The following GINS1 variants were observed in gnomAD, a reference collection of about 807,000 sequenced individuals.
GINS1 encodes the protein GINS complex subunit 1.
A neutral mutation model predicts 34.9 loss-of-function variants in GINS1; 26 were observed. That is an observed-to-expected ratio of 0.74 (90% CI 0.55 to 1.03). The LOEUF (loss-of-function observed/expected upper bound fraction) is 1.03. GINS1 is among the 50% of genes least tolerant of loss of function. The pLI, the probability that GINS1 is intolerant of heterozygous loss-of-function variation, is 0.00. For missense variants in GINS1, 235 were observed against 237.9 expected (o/e 0.99, Z 0.08); for synonymous variants, 97 against 84.4 (o/e 1.15, Z -0.82).
At chr20:25,431,679 C>T (rs1470581018) in intron 5 of GINS1, among the ~76,000 whole-genome samples, 1 of 151,104 alleles carries the variant, frequency 6.6e-6, no homozygotes, top group African/African-American at 2.4e-5. Flanking sequence ...CAAGTGATTC[C>T]CATGCCTCAG....
rs1241187859 is a variant in GINS1, at chr20:25,428,967, C to CTTTTTT, written c.447+3641_447+3642insTTTTTT. On this transcript the variant is annotated intron_variant, in intron 5 of 6. Coordinates refer to ENST00000262460, the MANE Select transcript of GINS1 (RefSeq NM_021067.5). ...TTGGGTCCTCCACCTTCATTCCTCT[C>CTTTTTT]TCTTTTTTTTTTTTTTTTTTTTTTT... is the stretch of plus-strand genomic sequence containing the variant. Among the ~76,000 whole-genome samples, 13 of 114,162 alleles carry CTTTTTT rather than the reference C, an allele frequency of 1.1e-4. 1 individual carries two copies. Among genetic ancestry groups the CTTTTTT allele is most frequent in the South Asian group, 2.8e-4 (1 of 3,540 alleles). 74.9% of individuals were successfully genotyped at this position (114,162 alleles called of 152,430 possible). A position where few individuals can be genotyped will look rare whatever the true frequency, so the allele number is the denominator to read the frequency against.
intron 2 of GINS1, among the ~76,000 whole-genome samples, chr20:25,415,770 T>C (rs565942452): frequency 5.3e-5 from 8 of 150,724 alleles, no homozygotes; most frequent in African/African-American, 9.8e-5. Context: ...ATATGCCAAA[T>C]TGGGATTCAT....
intron 2 of GINS1, among the ~76,000 whole-genome samples, chr20:25,414,993 G>A (rs1258011387): frequency 2.6e-5 from 4 of 152,166 alleles, no homozygotes; most frequent in Non-Finnish European, 5.9e-5. Context: ...GACAAACTTC[G>A]TATGTTCCTG....
chr20:25,433,390 G>A (rs547073009), intron 5 of GINS1, among the ~76,000 whole-genome samples: 3 of 152,066 alleles, frequency 2.0e-5, no homozygotes, highest in Middle Eastern at 3.4e-3. Context: ...GGATGCTCAA[G>A]TCCCTTATAT....
At chr20:25,438,045 T>G (rs2424714) in intron 5 of GINS1, among the ~76,000 whole-genome samples, 68,600 of 148,570 alleles carry the variant, frequency 0.46, 16,271 homozygotes, top group East Asian at 0.92. Context: ...CTTGAACCCA[T>G]GAGAAGGAGG....
intron 4 of GINS1, among the ~76,000 whole-genome samples, chr20:25,422,054 T>G (rs2090358712): frequency 6.6e-6 from 1 of 152,130 alleles, no homozygotes; most frequent in African/African-American, 2.4e-5. Flanking sequence ...ATCACTTAAT[T>G]TAACCATTTG....
intron 5 of GINS1, among the ~76,000 whole-genome samples, chr20:25,438,011 C>A (rs925531566): frequency 1.3e-5 from 2 of 150,090 alleles, no homozygotes; most frequent in African/African-American, 4.9e-5. Flanking sequence ...CCCATCTACT[C>A]AGGAATTTGA....
chr20:25,431,130 A>G (rs77281487), intron 5 of GINS1, among the ~76,000 whole-genome samples: 1 of 152,056 alleles, frequency 6.6e-6, no homozygotes, highest in Non-Finnish European at 1.5e-5. Context: ...TTAATCATTC[A>G]GTCTTTGTAG....
Position 25,407,894 on chromosome 20 carries a change from A to C in GINS1, c.74A>C (p.Asn25Thr). 6.2e-6 allele frequency: 10 copies of C among 1,610,616 alleles called. No homozygotes were observed. Among genetic ancestry groups the C allele is most frequent in the Non-Finnish European group, 8.5e-6 (10 of 1,176,910 alleles). Residue 25 changes from asparagine (N) to threonine (T), a missense_variant and splice_region_variant, in exon 1 of 7, where the codon AAC (asparagine) becomes ACC (threonine). Transcript: ENST00000262460. The stretch of plus-strand genomic sequence containing the variant: ...CCCGAAGGGCAACTGCCTGCCTTCA[A>C]CGTGAGGGGCGGGTAGACTTGGACG... ...RAPEGQLPAFNEDGLRQVLEE... is the reference protein window; with the variant it reads ...RAPEGQLPAFTEDGLRQVLEE...
At chr20:25,439,695 T>C (rs1313548440) in intron 5 of GINS1, among the ~76,000 whole-genome samples, 1 of 152,092 alleles carries the variant, frequency 6.6e-6, no homozygotes, top group Non-Finnish European at 1.5e-5. Flanking sequence ...TAGTTCATGA[T>C]ACTAAAAATT....
intron 2 of GINS1, among the ~76,000 whole-genome samples, chr20:25,415,173 G>A (rs1366196865): frequency 1.3e-5 from 2 of 152,190 alleles, no homozygotes; most frequent in African/African-American, 2.4e-5. Context: ...CACATAAAAT[G>A]ATAGGAGCAT....
chr20:25,412,279 C>A (rs1205498710), intron 1 of GINS1, among the ~76,000 whole-genome samples: 1 of 151,972 alleles, frequency 6.6e-6, no homozygotes, highest in Non-Finnish European at 1.5e-5. Context: ...TTAAGCTGGG[C>A]CCAGTGGCTC....
At position 25,431,199 on chromosome 20, in the gene GINS1, A is replaced by G. The variant is rs1031291471; in HGVS notation, c.447+5872A>G. 9.2e-5 allele frequency among the ~76,000 whole-genome samples: 14 copies of G among 152,248 alleles called. No individual in the cohort carries two copies. The East Asian group carries it at 1.9e-3, about 21-fold the overall frequency. On this transcript the variant is annotated intron_variant, in intron 5 of 6. Coordinates refer to ENST00000262460, the MANE Select transcript of GINS1 (RefSeq NM_021067.5). ...AGGTTTTCCAATTTGTTGGTGTACAATTGTTCATAGGACTCTTAGAACTCT... is the reference window on the plus strand; with the variant it reads ...AGGTTTTCCAATTTGTTGGTGTACAGTTGTTCATAGGACTCTTAGAACTCT...
intron 1 of GINS1, 116 bp downstream of exon 1, chr20:25,408,011 A>G: frequency 1.4e-6 from 1 of 736,690 alleles, no homozygotes; most frequent in South Asian, 1.6e-5. Context: ...GCTCCGGAAA[A>G]CTTGGGAAGC....
intron 4 of GINS1, among the ~76,000 whole-genome samples, chr20:25,423,970 G>A (rs2090375719): frequency 6.6e-6 from 1 of 152,004 alleles, no homozygotes; most frequent in African/African-American, 2.4e-5. Context: ...GAGATCTACA[G>A]TATTGGGATT....
chr20:25,437,781 G>T (rs191086945), intron 5 of GINS1, among the ~76,000 whole-genome samples: 32 of 152,258 alleles, frequency 2.1e-4, no homozygotes, highest in African/African-American at 7.7e-4. Context: ...TCATATTGAA[G>T]AATAGAGCAA....
chr20:25,414,189 CA>C (rs58400500), intron 2 of GINS1, among the ~76,000 whole-genome samples: 8,697 of 67,558 alleles, frequency 0.13, 138 homozygotes, highest in East Asian at 0.18. Context: ...ACTCTGTCTC[CA>C]AAAAAAAAAA....
intron 5 of GINS1, among the ~76,000 whole-genome samples, chr20:25,428,561 G>A (rs941079991): frequency 3.0e-4 from 46 of 151,496 alleles, no homozygotes; most frequent in Non-Finnish European, 4.4e-4. Context: ...CCACCACGAC[G>A]CCCAGCTAAT....
intron 5 of GINS1, among the ~76,000 whole-genome samples, chr20:25,440,548 T>A (rs74173676): frequency 9.1e-4 from 138 of 152,176 alleles, no homozygotes; most frequent in Non-Finnish European, 1.7e-3. Flanking sequence ...TGGTGGCTCA[T>A]GCCTGTAATC....
Sources: allele counts gnomAD v4.1 joint callset (sites outside exome capture counted in the v4.1 genomes callset), GRCh38; gene constraint gnomAD v4.1.1; transcripts MANE v1.5; gene names NCBI Gene and HGNC (gene_info 2026-07-23, HGNC 2026-07-21).